Variants in CCDC167 observed in about 807,000 individuals in gnomAD.
CCDC167 encodes coiled-coil domain containing 167.
A neutral mutation model predicts 12.7 loss-of-function variants in CCDC167; 15 were observed. The ratio of observed to expected loss-of-function variants is 1.18; its 90% CI spans 0.79 to 1.81. The LOEUF is 1.81. Ranked by LOEUF, CCDC167 falls within the 40% of genes most tolerant of loss-of-function variation. The probability of loss-of-function intolerance (pLI) is 0.00; values close to 1 mark genes in which losing one functional copy is unlikely to be tolerated. For synonymous variants in CCDC167, 52 were observed against 49.0 expected (o/e 1.06, Z -0.26); for missense variants, 121 against 120.1 (o/e 1.01, Z -0.03).
chr6:37,498,088 T>C (rs930891508), intron 1 of CCDC167, among the ~76,000 whole-genome samples: 2 of 152,146 alleles, frequency 1.3e-5, no homozygotes, highest in African/African-American at 2.4e-5. Context: ...AGTACTGATT[T>C]TGGGGTTACA....
At chr6:37,487,881 CG>C (rs1168917776) in intron 1 of CCDC167, among the ~76,000 whole-genome samples, 3 of 152,232 alleles carry the variant, frequency 2.0e-5, no homozygotes, top group Non-Finnish European at 2.9e-5. Flanking sequence ...GAGGCTTAAA[CG>C]GTCGAACACA....
intron 1 of CCDC167, among the ~76,000 whole-genome samples, chr6:37,491,766 T>A (rs1299320022): frequency 1.3e-5 from 2 of 152,230 alleles, no homozygotes; most frequent in Non-Finnish European, 2.9e-5. Context: ...GGCACTGACC[T>A]ACATGCTTTA....
intron 1 of CCDC167, among the ~76,000 whole-genome samples, chr6:37,495,167 A>C (rs1762084096): frequency 6.6e-6 from 1 of 152,170 alleles, no homozygotes; most frequent in Non-Finnish European, 1.5e-5. Context: ...AGTTTTCTAT[A>C]ACTTGTAGCC....
At chr6:37,490,444 G>A (rs759421514) in intron 1 of CCDC167, among the ~76,000 whole-genome samples, 2 of 152,086 alleles carry the variant, frequency 1.3e-5, no homozygotes, top group Non-Finnish European at 2.9e-5. Context: ...TAGACAGGTG[G>A]GAAAGGCCCC....
Position 37,483,042 on chromosome 6 carries a change from T to G in CCDC167, c.*144A>C, listed in dbSNP as rs1479998831. 4.0e-6 allele frequency: 3 copies of G among 741,652 alleles called. No homozygotes were observed. Among genetic ancestry groups the G allele is most frequent in the Non-Finnish European group, 7.3e-6 (3 of 410,516 alleles). The allele number at this position is 741,652 out of a possible 1,614,324, so 45.9% of individuals were successfully genotyped here. ...CCCAGCAGGCCAGGGAGGCAAGGCC[T>G]GGGCCGCCAGGAAGCCATGCTTGAA... On this transcript the variant is annotated 3_prime_UTR_variant, in exon 4 of 4. Transcript: ENST00000373408.
At chr6:37,490,981 TG>T (rs1762012313) in intron 1 of CCDC167, among the ~76,000 whole-genome samples, 1 of 152,192 alleles carries the variant, frequency 6.6e-6, no homozygotes, top group South Asian at 2.1e-4. Context: ...GAAGTCTCCC[TG>T]GGGTCCTATA....
At chr6:37,486,818 A>G (rs1049760578) in intron 1 of CCDC167, among the ~76,000 whole-genome samples, 7 of 152,334 alleles carry the variant, frequency 4.6e-5, no homozygotes, top group Non-Finnish European at 1.0e-4. Context: ...TTCAGGGAAG[A>G]GCGGCAGCCC....
At chr6:37,494,686 TTAGACTGG>T (rs1416280755) in intron 1 of CCDC167, among the ~76,000 whole-genome samples, 1 of 152,162 alleles carries the variant, frequency 6.6e-6, no homozygotes, top group Non-Finnish European at 1.5e-5. Context: ...AAGTTGAATA[TTAGACTGG>T]AGCTGTGGCA....
chr6:37,492,814 G>A lies in CCDC167; in HGVS notation c.42+7008C>T, dbSNP rs373164970. On this transcript the variant is annotated intron_variant, in intron 1 of 3. Transcript: ENST00000373408. ...CCTGCCCAGATGGTCTCTGGCAAGA[G>A]TGCAGGGGCTTTCCATTTGGAGCCT... Among the ~76,000 whole-genome samples the A allele has an allele frequency of 6.9e-4, 105 of 152,352 alleles. 4 individuals are homozygous for A. In the South Asian group the frequency reaches 0.021, roughly 31 times the overall value.
In CCDC167 at chr6:37,496,763, G is replaced by A. The variant is rs189856114; in HGVS notation, c.42+3059C>T. On this transcript the variant is annotated intron_variant, in intron 1 of 3. Transcript: ENST00000373408. ...TCTGTAGTGAGACTACAGGCTGTCT[G>A]TGAAAACACACTGGTCTCTTCCTCC... Among the ~76,000 whole-genome samples the A allele has an allele frequency of 1.2e-3, 183 of 152,360 alleles. 1 individual carries two copies. The highest frequency in any genetic ancestry group is 6.8e-3 in the Middle Eastern group (2 of 294).
intron 1 of CCDC167, among the ~76,000 whole-genome samples, chr6:37,490,662 G>A (rs951040552): frequency 5.3e-5 from 8 of 152,234 alleles, no homozygotes; most frequent in African/African-American, 1.9e-4. Context: ...CTGTGCAGAA[G>A]AATGAGAAGA....
In CCDC167 at chr6:37,483,144, G is replaced by C. The variant is rs745596438; in HGVS notation, c.*42C>G. The C allele has an allele frequency of 2.0e-6, 3 of 1,483,544 alleles. No individual in the cohort carries two copies. The East Asian group carries it at 6.8e-5, about 34-fold the overall frequency. 91.9% of individuals were successfully genotyped at this position (1,483,544 alleles called of 1,614,324 possible). A position where few individuals can be genotyped will look rare whatever the true frequency, so the allele number is the denominator to read the frequency against. ...AGTGCCTGCTTGATCCTGATCAAGG[G>C]GCCAAGTGGAAGCCTGTGCTGGTTG... On this transcript the variant is annotated 3_prime_UTR_variant, in exon 4 of 4. Transcript: ENST00000373408.
intron 1 of CCDC167, among the ~76,000 whole-genome samples, chr6:37,490,318 G>C (rs963600754): frequency 6.6e-6 from 1 of 152,180 alleles, no homozygotes; most frequent in Non-Finnish European, 1.5e-5. Flanking sequence ...AAACTGCCTG[G>C]GGGGATGGCT....
In CCDC167 at chr6:37,485,113, T is replaced by G. The variant is rs776060325; in HGVS notation, c.124A>C (p.Ser42Arg). 6.2e-7 allele frequency: 1 copy of G among 1,612,650 alleles called. No homozygotes were observed. Among genetic ancestry groups the G allele is most frequent in the South Asian group, 1.1e-5 (1 of 91,046 alleles). Residue 42 changes from serine (S) to arginine (R), a missense_variant, in exon 2 of 4, where the codon AGC becomes CGC. Physicochemically the swap from Ser to Arg is moderately radical, Grantham distance 110. Coordinates refer to ENST00000373408, the MANE Select transcript of CCDC167 (RefSeq NM_138493.3). The stretch of plus-strand genomic sequence containing the variant: ...CAGGAGCATTACCTGGCCTCTGGGC[T>G]CAGCTCCCGGCTGTGGAGTCTGGAG... ...VNSRLHSRELSPEARRSLEKE... is the reference protein window; with the variant it reads ...VNSRLHSRELRPEARRSLEKE...
At chr6:37,497,609 T>A (rs1762114718) in intron 1 of CCDC167, among the ~76,000 whole-genome samples, 2 of 152,008 alleles carry the variant, frequency 1.3e-5, no homozygotes, top group Non-Finnish European at 2.9e-5. Context: ...ATCCCAGCAC[T>A]TTGGGAGGCC....
intron 3 of CCDC167, 79 bp from the exon 4 acceptor site, chr6:37,483,368 T>A: frequency 1.1e-6 from 1 of 928,972 alleles, no homozygotes; most frequent in Non-Finnish European, 1.8e-6. Context: ...AACGAGTGGG[T>A]ACACACTGCT....
At position 37,483,027 on chromosome 6, in the gene CCDC167, C is replaced by G. The variant is rs13216875; in HGVS notation, c.*159G>C. ...GGAGACCCGGAACCCCCCAGCAGGC[C>G]AGGGAGGCAAGGCCTGGGCCGCCAG... On this transcript the variant is annotated 3_prime_UTR_variant, in exon 4 of 4. Transcript: ENST00000373408. The G allele has an allele frequency of 0.047, 33,061 of 706,636 alleles. 957 individuals are homozygous for G. Among genetic ancestry groups the G allele is most frequent in the Middle Eastern group, 0.087 (303 of 3,482 alleles). 43.8% of individuals were successfully genotyped at this position (706,636 alleles called of 1,614,324 possible). A position where few individuals can be genotyped will look rare whatever the true frequency, so the allele number is the denominator to read the frequency against.
intron 1 of CCDC167, among the ~76,000 whole-genome samples, chr6:37,493,665 G>A (rs975069291): frequency 6.6e-6 from 1 of 152,344 alleles, no homozygotes; most frequent in South Asian, 2.1e-4. Flanking sequence ...CCAGCCCCTG[G>A]CTTGGGGTTC....
chr6:37,489,157 A>G (rs1006325791), intron 1 of CCDC167, among the ~76,000 whole-genome samples: 5 of 152,186 alleles, frequency 3.3e-5, no homozygotes, highest in African/African-American at 9.6e-5. Context: ...AATTGCTTGA[A>G]CCCAGGGGGT....
Sources: allele counts gnomAD v4.1 joint callset (sites outside exome capture counted in the v4.1 genomes callset), GRCh38; gene constraint gnomAD v4.1.1; transcripts MANE v1.5; gene names NCBI Gene and HGNC (gene_info 2026-07-23, HGNC 2026-07-21).